Variants in PLCXD3 observed in about 807,000 individuals in gnomAD.
The protein encoded by PLCXD3 is PI-PLC X domain-containing protein 3.
Under a neutral mutation model 25.5 loss-of-function variants are expected in PLCXD3, and 19 were observed. The ratio of observed to expected loss-of-function variants is 0.75; its 90% CI spans 0.52 to 1.09. The LOEUF (loss-of-function observed/expected upper bound fraction) is 1.09, where lower values mean the gene tolerates loss of function less well. PLCXD3 is among the 50% of genes least tolerant of loss of function. The pLI is 0.00. For synonymous variants in PLCXD3, 174 were observed against 137.6 expected (o/e 1.26, Z -1.85); for missense variants, 411 against 388.1 (o/e 1.06, Z -0.50).
intron 1 of PLCXD3, among the ~76,000 whole-genome samples, chr5:41,448,312 A>C (rs1285785047): frequency 6.6e-6 from 1 of 152,176 alleles, no homozygotes; most frequent in African/African-American, 2.4e-5. Context: ...TGAATAGGAG[A>C]TGTCTGAGGC....
chr5:41,493,147 A>G (rs1245305140), intron 1 of PLCXD3, among the ~76,000 whole-genome samples: 1 of 152,076 alleles, frequency 6.6e-6, no homozygotes, highest in Non-Finnish European at 1.5e-5. Flanking sequence ...TTTCCTTCTA[A>G]CAGACAGAAC....
chr5:41,352,762 A>G (rs997361167), intron 2 of PLCXD3, among the ~76,000 whole-genome samples: 1 of 152,190 alleles, frequency 6.6e-6, no homozygotes, highest in African/African-American at 2.4e-5. Context: ...GTTTTTTAAC[A>G]AATCATTCTC....
chr5:41,330,216 A>C (rs1343155822), intron 2 of PLCXD3, among the ~76,000 whole-genome samples: 1 of 152,202 alleles, frequency 6.6e-6, no homozygotes, highest in African/African-American at 2.4e-5. Context: ...AATAAAGAAA[A>C]AAAGAGAGAA....
At chr5:41,403,398 G>GTTTTTTTGTTTTTGTTTTTGTTT (rs764950342) in intron 1 of PLCXD3, among the ~76,000 whole-genome samples, 1 of 33,988 alleles carries the variant, frequency 2.9e-5, no homozygotes, top group African/African-American at 1.1e-4. Context: ...TGACTTATTT[G>GTTTTTTTGTTTTTGTTTTTGTTT]TTGTTTTTTT....
chr5:41,447,033 C>A (rs1747520541), intron 1 of PLCXD3, among the ~76,000 whole-genome samples: 1 of 152,192 alleles, frequency 6.6e-6, no homozygotes, highest in African/African-American at 2.4e-5. Context: ...TCCACCCATG[C>A]CAAAAGCTCT....
chr5:41,478,054 G>T (rs1049832030), intron 1 of PLCXD3, among the ~76,000 whole-genome samples: 5 of 152,164 alleles, frequency 3.3e-5, no homozygotes, highest in African/African-American at 1.2e-4. Context: ...GTATAGCAAT[G>T]GCTAACTACT....
At chr5:41,350,158 G>A (rs1392235298) in intron 2 of PLCXD3, among the ~76,000 whole-genome samples, 1 of 152,086 alleles carries the variant, frequency 6.6e-6, no homozygotes, top group African/African-American at 2.4e-5. Flanking sequence ...TTTAAGCCCA[G>A]TTTAGGCTCT....
At chr5:41,403,416 TA>T (rs1580353959) in intron 1 of PLCXD3, among the ~76,000 whole-genome samples, 7 of 47,558 alleles carry the variant, frequency 1.5e-4, no homozygotes, top group African/African-American at 2.3e-4. Flanking sequence ...TTTTTTTTTT[TA>T]TTATACTCTA....
chr5:41,476,816 G>C (rs1280412056), intron 1 of PLCXD3, among the ~76,000 whole-genome samples: 1 of 152,170 alleles, frequency 6.6e-6, no homozygotes, highest in Non-Finnish European at 1.5e-5. Flanking sequence ...TTACAGAAAA[G>C]AAAACTGAAG....
chr5:41,471,833 CT>C (rs1748168441), intron 1 of PLCXD3, among the ~76,000 whole-genome samples: 7 of 5,498 alleles, frequency 1.3e-3, no homozygotes, highest in Admixed American at 2.7e-3. Context: ...CTCCCCTCCC[CT>C]CCCCTCCCCT....
chr5:41,460,147 G>T (rs1236805252), intron 1 of PLCXD3, among the ~76,000 whole-genome samples: 2 of 151,914 alleles, frequency 1.3e-5, no homozygotes, highest in Non-Finnish European at 2.9e-5. Context: ...TCTGGGATAT[G>T]ATTTTATGGA....
rs79712819 is a variant in PLCXD3, at chr5:41,444,299, C to A, written c.104-61765G>T. 3.6e-3 allele frequency among the ~76,000 whole-genome samples: 552 copies of A among 152,260 alleles called. 4 individuals carry two copies. Among genetic ancestry groups the A allele is most frequent in the African/African-American group, 0.011 (460 of 41,530 alleles). On this transcript the variant is annotated intron_variant, in intron 1 of 2. Coordinates refer to ENST00000377801, the MANE Select transcript of PLCXD3 (RefSeq NM_001005473.3). ...GGGTTAATATTATCATCAATTCTGTCTGAGGATGGCAAAGTTAGAATCAAA... is the reference window on the plus strand; with the variant it reads ...GGGTTAATATTATCATCAATTCTGTATGAGGATGGCAAAGTTAGAATCAAA...
chr5:41,443,136 T>C (rs185237252), intron 1 of PLCXD3, among the ~76,000 whole-genome samples: 1 of 150,568 alleles, frequency 6.6e-6, no homozygotes, highest in East Asian at 1.9e-4. Context: ...ATATACCCAA[T>C]AGTCATGCAC....
intron 1 of PLCXD3, among the ~76,000 whole-genome samples, chr5:41,426,945 T>C (rs1461278158): frequency 5.3e-5 from 8 of 152,160 alleles, no homozygotes; most frequent in Non-Finnish European, 1.2e-4. Flanking sequence ...TTCACAGGTA[T>C]ATTTTACTCT....
intron 2 of PLCXD3, among the ~76,000 whole-genome samples, chr5:41,351,303 T>C (rs1561241812): frequency 6.6e-6 from 1 of 152,186 alleles, no homozygotes; most frequent in African/African-American, 2.4e-5. Context: ...CACATCAGTG[T>C]GACTTTATTA....
intron 2 of PLCXD3, among the ~76,000 whole-genome samples, chr5:41,376,235 C>T (rs1372278898): frequency 6.6e-6 from 1 of 152,052 alleles, no homozygotes; most frequent in Non-Finnish European, 1.5e-5. Flanking sequence ...AATGGTATTC[C>T]AAGGGGGCAG....
chr5:41,459,716 T>G (rs1045863250), intron 1 of PLCXD3, among the ~76,000 whole-genome samples: 1 of 151,746 alleles, frequency 6.6e-6, no homozygotes, highest in African/African-American at 2.4e-5. Flanking sequence ...CTGCAACAAC[T>G]TCTCAATCAA....
chr5:41,323,788 TAGA>T (rs541246876), intron 2 of PLCXD3, among the ~76,000 whole-genome samples: 85 of 152,210 alleles, frequency 5.6e-4, no homozygotes, highest in African/African-American at 2.0e-3. Flanking sequence ...AAACTGGATG[TAGA>T]AGGAGAGGAA....
At chr5:41,449,302 C>T (rs1282819405) in intron 1 of PLCXD3, among the ~76,000 whole-genome samples, 1 of 152,066 alleles carries the variant, frequency 6.6e-6, no homozygotes, top group East Asian at 1.9e-4. Flanking sequence ...TAATGAATGA[C>T]TAAACAAGAT....
Sources: gnomAD v4.1 joint callset for allele counts (sites outside exome capture counted in the v4.1 genomes callset) on GRCh38, gnomAD v4.1.1 for gene constraint, MANE v1.5 for transcripts, NCBI Gene and HGNC (gene_info 2026-07-23, HGNC 2026-07-21) for gene names.